The following PRSS33 variants were observed in gnomAD, a reference collection of about 807,000 sequenced individuals.
PRSS33 encodes protease, serine 33.
Under a neutral mutation model 26.7 loss-of-function variants are expected in PRSS33, and 32 were observed. The observed-to-expected ratio is 1.20, with a 90% CI of 0.90 to 1.61. PRSS33 has a LOEUF of 1.61. Ranked by LOEUF, PRSS33 falls within the 40% of genes most tolerant of loss-of-function variation. The pLI is 0.00. For missense variants in PRSS33, 450 were observed against 396.3 expected (o/e 1.14, Z -1.15); for synonymous variants, 192 against 177.6 (o/e 1.08, Z -0.64).
In PRSS33 at chr16:2,784,411, A is replaced by G; in HGVS notation, c.*233T>C. 1 of 437,774 alleles carries G rather than the reference A, an allele frequency of 2.3e-6. No individual in the cohort carries two copies. The allele number at this position is 437,774 out of a possible 1,614,324, so 27.1% of individuals were successfully genotyped here. On this transcript the variant is annotated 3_prime_UTR_variant, in exon 7 of 7. Coordinates refer to ENST00000682474, the MANE Select transcript of PRSS33 (RefSeq NM_152891.3). ...AGCCAGGAAGGGAGTGGGGAGTGTGACTCCCTGGGACTCATGGCAGATTCC... is the reference window on the plus strand; with the variant it reads ...AGCCAGGAAGGGAGTGGGGAGTGTGGCTCCCTGGGACTCATGGCAGATTCC...
intron 4 of PRSS33, 23 bp downstream of exon 4, chr16:2,785,776 C>A: frequency 6.4e-7 from 1 of 1,568,632 alleles, no homozygotes; most frequent in African/African-American, 1.4e-5. Flanking sequence ...CACACCCCGC[C>A]TGGGCCCTCG....
In PRSS33 at chr16:2,785,829, C is replaced by T; in HGVS notation, c.212G>A (p.Trp71Ter). 13 of 1,605,464 alleles carry T rather than the reference C, an allele frequency of 8.1e-6. No individual in the cohort carries two copies. The highest frequency in any genetic ancestry group is 1.1e-5 in the Non-Finnish European group (13 of 1,178,522). ...GAAGCAGTGCGCCGCTGTCAGCACCCACTGGGGGGCGATGAGCGACCCCCC... is the reference window on the plus strand; with the variant it reads ...GAAGCAGTGCGCCGCTGTCAGCACCTACTGGGGGGCGATGAGCGACCCCCC... ...VCGGSLIAPQ[W>*]VLTAAHCFPR... is the part of the protein sequence containing the mutation. The change falls in exon 4 of 7, where the codon TGG becomes TAG. Residue 71 changes from tryptophan to a stop codon, truncating the protein, a stop_gained. Coordinates refer to ENST00000682474, the MANE Select transcript of PRSS33 (RefSeq NM_152891.3). LOFTEE classifies it high-confidence loss of function.
chr16:2,787,546 C>T lies in PRSS33; in HGVS notation c.-71G>A, dbSNP rs1028191236. 2.0e-5 allele frequency among the ~76,000 whole-genome samples: 3 copies of T among 147,864 alleles called. No individual in the cohort carries two copies. Among genetic ancestry groups the T allele is most frequent in the Admixed American group, 1.4e-4 (2 of 14,736 alleles). On this transcript the variant is annotated 5_prime_UTR_variant, in exon 1 of 7. Transcript: ENST00000682474. ...GCTTGCTCTCACCCTCACAGCCTGG[C>T]GCCTTCTGCTGACTGGGGTTGAGGG...
chr16:2,786,377 C>A (rs559136654), intron 2 of PRSS33, 125 bp downstream of exon 2: 1 of 1,150,226 alleles, frequency 8.7e-7, no homozygotes, highest in East Asian at 2.5e-5. Context: ...GAGGATTGAG[C>A]CCTTGGAATC....
chr16:2,786,479 C>A, intron 2 of PRSS33, 23 bp downstream of exon 2: 1 of 1,613,074 alleles, frequency 6.2e-7, no homozygotes. Context: ...CGGCCCTCAC[C>A]CCCAGTCCCT....
rs1393299927 is a variant in PRSS33 at position 2,786,003 on chromosome 16, G to T, written c.80-42C>A. ...GGCGGTGAGGGTTGGCTGAGGACCT[G>T]GGGCCTGGGAGGCAGGTGTTGGTGG... On this transcript the variant is annotated intron_variant, in intron 3 of 6. Transcript: ENST00000682474. 2.5e-5 allele frequency: 41 copies of T among 1,612,926 alleles called. No homozygotes were observed. The Admixed American group carries it at 6.7e-4, about 26-fold the overall frequency.
Position 2,785,538 on chromosome 16 carries a change from G to A in PRSS33, c.351C>T (p.Asp117=). Residue 117 remains aspartate, a synonymous_variant, in exon 5 of 7, where the codon GAC becomes GAT. Coordinates refer to ENST00000682474, the MANE Select transcript of PRSS33 (RefSeq NM_152891.3). ...VPVRRVLLPP[D]YSEDGARGDL... is the part of the protein sequence containing the mutation. ...CGCCGCGGGCCCCGTCCTCGGAGTAGTCCGGGGGCAGCAGCACCCGTCGCA... is the reference window on the plus strand; with the variant it reads ...CGCCGCGGGCCCCGTCCTCGGAGTAATCCGGGGGCAGCAGCACCCGTCGCA... The A allele has an allele frequency of 3.3e-6, 5 of 1,528,080 alleles. No homozygotes were observed. Among genetic ancestry groups the A allele is most frequent in the Non-Finnish European group, 4.4e-6 (5 of 1,144,526 alleles). 94.7% of individuals were successfully genotyped at this position (1,528,080 alleles called of 1,614,324 possible). A position where few individuals can be genotyped will look rare whatever the true frequency, so the allele number is the denominator to read the frequency against.
chr16:2,786,363 C>A, intron 2 of PRSS33, 139 bp downstream of exon 2: 1 of 1,047,780 alleles, frequency 9.5e-7, no homozygotes, highest in South Asian at 1.5e-5. Context: ...AGGTCAGTGG[C>A]AGAGAGGATT....
At chr16:2,786,144 G>A in intron 2 of PRSS33, 23 bp from the exon 3 acceptor site, 1 of 1,607,490 alleles carries the variant, frequency 6.2e-7, no homozygotes, top group Non-Finnish European at 8.5e-7. Flanking sequence ...GCAGGGAAGG[G>A]ACCAGATTAT....
At chr16:2,785,684 G>C (rs973088208) in intron 4 of PRSS33, 38 bp from the exon 5 acceptor site, 1 of 1,467,316 alleles carries the variant, frequency 6.8e-7, no homozygotes, top group African/African-American at 1.4e-5. Context: ...CCAGCACCGG[G>C]TCCTCGACCC....
At chr16:2,787,728 A>C (rs1251044523), upstream of PRSS33, 6 of 152,450 alleles carry the variant, frequency 3.9e-5, no homozygotes, top group African/African-American at 1.4e-4. Context: ...TGGGTTTCTC[A>C]AAGGAAGCCT....
At chr16:2,785,709 C>G in intron 4 of PRSS33, 63 bp from the exon 5 acceptor site, 1 of 1,471,736 alleles carries the variant, frequency 6.8e-7, no homozygotes, top group South Asian at 1.3e-5. Context: ...CAGCCCGCCT[C>G]GACCCCAACG....
In PRSS33 at chr16:2,786,618, G is replaced by A. The variant is rs2068877158; in HGVS notation, c.-57-14C>T. The A allele has an allele frequency of 1.9e-6, 3 of 1,556,594 alleles. No homozygotes were observed. Among genetic ancestry groups the A allele is most frequent in the Admixed American group, 1.7e-5 (1 of 58,164 alleles). On this transcript the variant is annotated splice_polypyrimidine_tract_variant and intron_variant, in intron 1 of 6. Transcript: ENST00000682474. ...TTGGACTCTGGTCTGGAGCCAGCAG[G>A]GAGAAGAGAGGAGAGTCCTGGCCCA...
At chr16:2,786,803 C>T in intron 1 of PRSS33, 199 bp from the exon 2 acceptor site, 3 of 436,766 alleles carry the variant, frequency 6.9e-6, no homozygotes, top group Non-Finnish European at 1.2e-5. Flanking sequence ...GATATTTGGG[C>T]ATCCTTGGTC....
intron 2 of PRSS33, 68 bp from the exon 3 acceptor site, chr16:2,786,189 G>T: frequency 7.3e-7 from 1 of 1,366,976 alleles, no homozygotes; most frequent in Non-Finnish European, 1.0e-6. Context: ...TGGAGGGGAG[G>T]CCAGAGATGA....
Position 2,786,487 on chromosome 16 carries a change from C to T in PRSS33, c.46+15G>A. 6.2e-7 allele frequency: 1 copy of T among 1,613,118 alleles called. No individual in the cohort carries two copies. Among genetic ancestry groups the T allele is most frequent in the Non-Finnish European group, 8.5e-7 (1 of 1,179,620 alleles). ...GTGTCTGCGGCCCTCACCCCCAGTCCCTGTCCCCACTCACCCAGCACCAGA... is the reference window on the plus strand; with the variant it reads ...GTGTCTGCGGCCCTCACCCCCAGTCTCTGTCCCCACTCACCCAGCACCAGA... On this transcript the variant is annotated intron_variant, in intron 2 of 6. Coordinates refer to ENST00000682474, the MANE Select transcript of PRSS33 (RefSeq NM_152891.3).
At position 2,785,033 on chromosome 16, in the gene PRSS33, C is replaced by A; in HGVS notation, c.653G>T (p.Gly218Val). 6.3e-7 allele frequency: 1 copy of A among 1,592,182 alleles called. No individual in the cohort carries two copies. The highest frequency in any genetic ancestry group is 8.5e-7 in the Non-Finnish European group (1 of 1,171,974). Residue 218 changes from glycine (G) to valine (V), a missense_variant, in exon 6 of 7, where the codon GGC becomes GTC. By Grantham distance (109) the Gly-to-Val change is moderately radical. Transcript: ENST00000682474. ...RIVLPGSLCA[G>V]YPQGHKDACQ... ...GGCGTCCTTGTGGCCCTGGGGGTAG[C>A]CGGCACACAGACTCCCAGGCAGCAC...
chr16:2,784,858 G>A (rs1011136314), intron 6 of PRSS33, 56 bp from the exon 7 acceptor site: 3 of 1,548,704 alleles, frequency 1.9e-6, no homozygotes, highest in Non-Finnish European at 2.6e-6. Context: ...AGTTCTCAGG[G>A]TTCCAGACCC....
chr16:2,784,462 C>G lies in PRSS33; in HGVS notation c.*182G>C, dbSNP rs2068849150. On this transcript the variant is annotated 3_prime_UTR_variant, in exon 7 of 7. Transcript: ENST00000682474. ...TGGATGAGGGTTGGTGGAGTCAGAGCTGGTGATCCCCAAAGAGGAGAGGAG... is the reference window on the plus strand; with the variant it reads ...TGGATGAGGGTTGGTGGAGTCAGAGGTGGTGATCCCCAAAGAGGAGAGGAG... 1.9e-6 allele frequency: 1 copy of G among 532,928 alleles called. No homozygotes were observed. The highest frequency in any genetic ancestry group is 3.1e-5 in the East Asian group (1 of 32,466). 33.0% of individuals were successfully genotyped at this position (532,928 alleles called of 1,614,324 possible). A position where few individuals can be genotyped will look rare whatever the true frequency, so the allele number is the denominator to read the frequency against.
Sources: gnomAD v4.1 joint callset for allele counts (sites outside exome capture counted in the v4.1 genomes callset) on GRCh38, gnomAD v4.1.1 for gene constraint, MANE v1.5 for transcripts, NCBI Gene and HGNC (gene_info 2026-07-23, HGNC 2026-07-21) for gene names.